The following MAP3K13 variants were observed in gnomAD, a reference collection of about 807,000 sequenced individuals.
MAP3K13 encodes mitogen-activated protein kinase kinase kinase 13, also known as leucine zipper-bearing kinase.
MAP3K13 carries 52 observed loss-of-function variants against 104.0 expected under a neutral mutation model. That is an observed-to-expected ratio of 0.50 (90% CI 0.40 to 0.63). MAP3K13 has a LOEUF of 0.63. Among genes scored for constraint, MAP3K13 ranks in the 20% least tolerant of loss-of-function variants. MAP3K13 has a pLI of 0.00. For missense variants in MAP3K13, 914 were observed against 1,218.5 expected (o/e 0.75, Z 3.72); for synonymous variants, 394 against 442.2 (o/e 0.89, Z 1.37).
chr3:185,298,436 G>C (rs971169214), intron 2 of MAP3K13, among the ~76,000 whole-genome samples: 1 of 152,142 alleles, frequency 6.6e-6, no homozygotes, highest in Non-Finnish European at 1.5e-5. Flanking sequence ...CAAAGGGAAA[G>C]TATTTTACCA....
intron 1 of MAP3K13, among the ~76,000 whole-genome samples, chr3:185,415,347 G>A (rs538399443): frequency 8.2e-4 from 124 of 151,408 alleles, no homozygotes; most frequent in African/African-American, 2.9e-3. Context: ...TAATAGAGAT[G>A]GGGTTTTCTC....
rs1289364144 is a variant in MAP3K13 at position 185,454,769 on chromosome 3, T to C, written c.1278+3374T>C. ...TCATATATATGAGATATATATGACA[T>C]ATATATGAGATATATACATGATATA... On this transcript the variant is annotated intron_variant, in intron 7 of 13. Coordinates refer to ENST00000265026, the MANE Select transcript of MAP3K13 (RefSeq NM_004721.5). 2.8e-5 allele frequency among the ~76,000 whole-genome samples: 3 copies of C among 105,296 alleles called. 1 individual carries two copies. The highest frequency in any genetic ancestry group is 5.4e-5 in the Non-Finnish European group (3 of 55,674). The allele number at this position is 105,296 out of a possible 152,430, so 69.1% of individuals were successfully genotyped here.
rs545199669 is a variant in MAP3K13, at chr3:185,288,671, G to A, written c.-86+3028G>A. ...AGGCTAATTGATGATTTTGCGAGTA[G>A]CTTAAATAATTTTCGAAGTTTTAAG... On this transcript the variant is annotated intron_variant, in intron 2 of 14. Transcript: ENST00000424227. 2.6e-5 allele frequency among the ~76,000 whole-genome samples: 4 copies of A among 152,070 alleles called. No homozygotes were observed. The East Asian group carries it at 7.7e-4, about 29-fold the overall frequency.
intron 7 of MAP3K13, among the ~76,000 whole-genome samples, chr3:185,452,481 C>A (rs1319088400): frequency 6.6e-6 from 1 of 152,182 alleles, no homozygotes; most frequent in Non-Finnish European, 1.5e-5. Flanking sequence ...AAGCGATCTC[C>A]CTGCCTCGGC....
intron 1 of MAP3K13, among the ~76,000 whole-genome samples, chr3:185,284,644 G>A (rs888332562): frequency 1.3e-5 from 2 of 152,112 alleles, no homozygotes; most frequent in African/African-American, 2.4e-5. Flanking sequence ...GAAGCCGGGA[G>A]GGGGAGGTTG....
intron 2 of MAP3K13, among the ~76,000 whole-genome samples, chr3:185,295,360 A>G (rs1225578758): frequency 9.2e-5 from 14 of 152,142 alleles, no homozygotes; most frequent in Admixed American, 2.0e-4. Flanking sequence ...GCCCGCCACT[A>G]TGCCTGGCTA....
At chr3:185,410,413 T>C (rs904649236) in intron 1 of MAP3K13, among the ~76,000 whole-genome samples, 1 of 152,152 alleles carries the variant, frequency 6.6e-6, no homozygotes, top group Non-Finnish European at 1.5e-5. Context: ...GAATAAATTC[T>C]ACAGCTATAG....
At chr3:185,447,621 A>C (rs1715665457) in intron 4 of MAP3K13, among the ~76,000 whole-genome samples, 168 bp from the exon 5 acceptor site, 1 of 151,924 alleles carries the variant, frequency 6.6e-6, no homozygotes, top group South Asian at 2.1e-4. Flanking sequence ...ACAAGTATGA[A>C]TGATGCTATT....
chr3:185,345,960 G>T (rs1722906303), intron 2 of MAP3K13, among the ~76,000 whole-genome samples: 1 of 151,838 alleles, frequency 6.6e-6, no homozygotes, highest in Admixed American at 6.6e-5. Context: ...GCTTAAATTA[G>T]AAGGGAAAAA....
rs150704877 is a variant in MAP3K13, at chr3:185,334,252, T to A, written c.-86+48609T>A. ...TGCCATTTCTCCCTAAATCAGTCTG[T>A]AGATCTAATGCATTCCCAATCAAAA... On this transcript the variant is annotated intron_variant, in intron 2 of 14. Transcript: ENST00000424227. Among the ~76,000 whole-genome samples the A allele has an allele frequency of 2.4e-3, 363 of 152,336 alleles. 3 individuals are homozygous for A. Among genetic ancestry groups the A allele is most frequent in the African/African-American group, 8.2e-3 (343 of 41,590 alleles).
At chr3:185,373,496 G>T (rs903170941) in intron 1 of MAP3K13, among the ~76,000 whole-genome samples, 2 of 152,080 alleles carry the variant, frequency 1.3e-5, no homozygotes, top group African/African-American at 4.8e-5. Flanking sequence ...ACAAAAATTA[G>T]CCAGGTGTGG....
chr3:185,328,048 AG>A (rs1722104289), intron 2 of MAP3K13, among the ~76,000 whole-genome samples: 1 of 152,188 alleles, frequency 6.6e-6, no homozygotes, highest in South Asian at 2.1e-4. Context: ...GTAGCTCAGA[AG>A]GGAAAGAAGC....
chr3:185,360,709 T>G (rs1723568387), upstream of MAP3K13, among the ~76,000 whole-genome samples: 2 of 152,160 alleles, frequency 1.3e-5, no homozygotes, highest in East Asian at 3.8e-4. Flanking sequence ...GAAGCATTTA[T>G]AGACCCTGTT....
At chr3:185,462,030 G>T (rs1465399645) in intron 7 of MAP3K13, among the ~76,000 whole-genome samples, 2 of 152,136 alleles carry the variant, frequency 1.3e-5, no homozygotes, top group Non-Finnish European at 2.9e-5. Context: ...GCTACCTGAC[G>T]ATCTGGAGAG....
At chr3:185,350,478 C>T (rs555780524) in intron 2 of MAP3K13, among the ~76,000 whole-genome samples, 4 of 152,282 alleles carry the variant, frequency 2.6e-5, no homozygotes, top group East Asian at 1.9e-4. Flanking sequence ...TGAGCCACTG[C>T]GCCTGGCTTC....
rs2108802355 is a variant in MAP3K13 at position 185,428,886 on chromosome 3, G to A, written c.305G>A (p.Ser102Asn). Residue 102 changes from serine (S) to asparagine (N), a missense_variant, in exon 2 of 14, where the codon AGC (serine) becomes AAC (asparagine). This residue lies in a region of MAP3K13 where 156 missense variants were observed against 159.8 expected (regional missense o/e 0.98). Coordinates refer to ENST00000265026, the MANE Select transcript of MAP3K13 (RefSeq NM_004721.5). ...GAGACGGCGGTGTCTCAGGGGAACA[G>A]CAACACGGTGGACGGAGAGAGCACA... is the stretch of plus-strand genomic sequence containing the variant. ...ESETAVSQGN[S>N]NTVDGESTSG... is the part of the protein sequence containing the mutation. 1 of 1,614,188 alleles carries A rather than the reference G, an allele frequency of 6.2e-7. No homozygotes were observed. Among genetic ancestry groups the A allele is most frequent in the Non-Finnish European group, 8.5e-7 (1 of 1,180,026 alleles).
At chr3:185,458,518 T>C (rs1170583785) in intron 7 of MAP3K13, among the ~76,000 whole-genome samples, 1 of 152,196 alleles carries the variant, frequency 6.6e-6, no homozygotes, top group African/African-American at 2.4e-5. Flanking sequence ...TGTTAGATTC[T>C]GGATTCTTTT....
intron 1 of MAP3K13, among the ~76,000 whole-genome samples, chr3:185,393,393 T>C (rs1712185189): frequency 6.6e-6 from 1 of 152,162 alleles, no homozygotes; most frequent in Non-Finnish European, 1.5e-5. Context: ...GAAGGCACAA[T>C]TCAGTTGCAT....
At chr3:185,413,837 A>T (rs757521078) in intron 1 of MAP3K13, among the ~76,000 whole-genome samples, 4 of 152,168 alleles carry the variant, frequency 2.6e-5, no homozygotes, top group Admixed American at 6.5e-5. Context: ...ACAAAAAACA[A>T]AACAAACAAA....
Sources: gnomAD v4.1 joint callset for allele counts (sites outside exome capture counted in the v4.1 genomes callset) on GRCh38, gnomAD v4.1.1 for gene constraint, gnomAD v4.1.1 regional missense constraint, MANE v1.5 for transcripts, NCBI Gene and HGNC (gene_info 2026-07-23, HGNC 2026-07-21) for gene names.